The following CYP3A43 variants were observed in gnomAD, a reference collection of about 807,000 sequenced individuals.
The protein encoded by CYP3A43 is cytochrome P450 3A43.
In CYP3A43, 45 loss-of-function variants were observed where a neutral mutation model predicts 58.0. The ratio of observed to expected loss-of-function variants is 0.78; its 90% CI spans 0.61 to 0.99. The LOEUF (loss-of-function observed/expected upper bound fraction) is 0.99, where lower values mean the gene tolerates loss of function less well. Ranked by LOEUF, CYP3A43 falls within the 50% of genes least tolerant of loss-of-function variation. CYP3A43 has a pLI of 0.00. For missense variants in CYP3A43, 593 were observed against 591.9 expected (o/e 1.00, Z -0.02); for synonymous variants, 191 against 201.4 (o/e 0.95, Z 0.44).
intron 11 of CYP3A43, 151 bp downstream of exon 11, chr7:99,861,990 C>G: frequency 1.5e-6 from 1 of 672,316 alleles, no homozygotes; most frequent in Non-Finnish European, 2.4e-6. Context: ...ACTTTACAAA[C>G]CATAGATTAA....
chr7:99,856,701 A>G, intron 8 of CYP3A43, 132 bp from the exon 9 acceptor site: 2 of 843,394 alleles, frequency 2.4e-6, no homozygotes, highest in South Asian at 3.1e-5. Context: ...TTGGTGACTC[A>G]GGCAACACCC....
At chr7:99,865,736 C>A (rs1818419104) in intron 12 of CYP3A43, among the ~76,000 whole-genome samples, 170 bp from the exon 13 acceptor site, 1 of 148,700 alleles carries the variant, frequency 6.7e-6, no homozygotes. Flanking sequence ...ACTATCCAAT[C>A]TTCACAGAGC....
chr7:99,829,676 T>C (rs1022856351), intron 1 of CYP3A43, among the ~76,000 whole-genome samples: 13 of 152,192 alleles, frequency 8.5e-5, no homozygotes, highest in African/African-American at 2.2e-4. Flanking sequence ...ACTCAGAAAC[T>C]AGTCTGCTAA....
chr7:99,854,329 C>T (rs959681269), intron 7 of CYP3A43, among the ~76,000 whole-genome samples: 1 of 151,614 alleles, frequency 6.6e-6, no homozygotes, highest in African/African-American at 2.4e-5. Context: ...TTCTCACCCT[C>T]CTGAGTAGCT....
chr7:99,840,639 T>G (rs754023796), intron 3 of CYP3A43, among the ~76,000 whole-genome samples: 1 of 152,196 alleles, frequency 6.6e-6, no homozygotes, highest in Non-Finnish European at 1.5e-5. Flanking sequence ...TCCCCCCTTT[T>G]TTCCTTCCTG....
Position 99,828,165 on chromosome 7 carries a change from C to G in CYP3A43, c.50C>G (p.Thr17Ser). 1 of 1,612,388 alleles carries G rather than the reference C, an allele frequency of 6.2e-7. No individual in the cohort carries two copies. Among genetic ancestry groups the G allele is most frequent in the Non-Finnish European group, 8.5e-7 (1 of 1,179,094 alleles). Reference protein sequence around the residue: ...FAMETWVLVATSLVLLYIYGT... With the variant: ...FAMETWVLVASSLVLLYIYGT... The stretch of plus-strand genomic sequence containing the variant: ...ATGGAAACATGGGTTCTTGTGGCTA[C>G]CAGCCTGGTACTCCTCTATATGTGA... Residue 17 changes from threonine to serine, a missense_variant, in exon 1 of 13, where the codon ACC becomes AGC. Physicochemically the swap from Thr to Ser is moderately conservative, Grantham distance 58. Transcript: ENST00000354829.
chr7:99,835,678 A>G (rs965676656), intron 1 of CYP3A43, among the ~76,000 whole-genome samples: 3 of 152,214 alleles, frequency 2.0e-5, no homozygotes, highest in Non-Finnish European at 4.4e-5. Flanking sequence ...CTGCACATTC[A>G]TAGTAGTTAT....
Position 99,865,991 on chromosome 7 carries a change from G to A in CYP3A43, c.1502G>A (p.Ser501Asn). Residue 501 changes from serine to asparagine, a missense_variant, in exon 13 of 13, where the codon AGT becomes AAT. Physicochemically the swap from Ser to Asn is conservative, Grantham distance 46. Transcript: ENST00000354829. ...LKVHLRDGITSGP is the reference protein window; with the variant it reads ...LKVHLRDGITNGP ...GTGCACTTAAGAGATGGGATTACAA[G>A]TGGACCCTGACTTTCCCTAAGGACT... is the stretch of plus-strand genomic sequence containing the variant. 1 of 1,600,174 alleles carries A rather than the reference G, an allele frequency of 6.2e-7. No individual in the cohort carries two copies. Among genetic ancestry groups the A allele is most frequent in the Non-Finnish European group, 8.5e-7 (1 of 1,172,912 alleles).
intron 1 of CYP3A43, among the ~76,000 whole-genome samples, chr7:99,835,344 TTC>T (rs1025167059): frequency 5.9e-5 from 9 of 152,236 alleles, no homozygotes; most frequent in African/African-American, 2.2e-4. Flanking sequence ...CGATTTGTCA[TTC>T]TCTGTACAGA....
In CYP3A43 at chr7:99,861,640, C is replaced by T. The variant is rs757740793; in HGVS notation, c.1054C>T (p.Gln352Ter). 1 of 1,614,108 alleles carries T rather than the reference C, an allele frequency of 6.2e-7. No homozygotes were observed. The highest frequency in any genetic ancestry group is 8.5e-7 in the Non-Finnish European group (1 of 1,180,010). Residue 352 changes from glutamine (Q) to a stop codon, truncating the protein, a stop_gained, in exon 11 of 13, where the codon CAG (glutamine) becomes TAG (stop). Transcript: ENST00000354829. LOFTEE classifies it high-confidence loss of function. ...KAPVTYDALV[Q>*]MEYLDMVVNE... is the part of the protein sequence containing the mutation. ...ACCTGTCACCTACGATGCCCTGGTACAGATGGAGTACCTTGACATGGTGGT... is the reference window on the plus strand; with the variant it reads ...ACCTGTCACCTACGATGCCCTGGTATAGATGGAGTACCTTGACATGGTGGT...
intron 11 of CYP3A43, among the ~76,000 whole-genome samples, chr7:99,862,266 CT>C (rs1396793397): frequency 1.3e-5 from 2 of 152,084 alleles, no homozygotes; most frequent in African/African-American, 4.8e-5. Context: ...TTGCTGTGCC[CT>C]TTAGCTCTCT....
In CYP3A43 at chr7:99,861,681, A is replaced by C. The variant is rs776244943; in HGVS notation, c.1095A>C (p.Arg365Ser). 6.2e-7 allele frequency: 1 copy of C among 1,614,186 alleles called. No homozygotes were observed. The highest frequency in any genetic ancestry group is 1.1e-5 in the South Asian group (1 of 91,082). ...ACATGGTGGTGAATGAAACGCTCAG[A>C]TTATTCCCAGTTGTTAGTAGAGTTA... ...YLDMVVNETLRLFPVVSRVTR... is the reference protein window; with the variant it reads ...YLDMVVNETLSLFPVVSRVTR... The change falls in exon 11 of 13, where the codon AGA becomes AGC. Residue 365 changes from arginine (R) to serine (S), a missense_variant. By Grantham distance (110) the Arg-to-Ser change is moderately radical (BLOSUM62 -1). Transcript: ENST00000354829.
intron 1 of CYP3A43, among the ~76,000 whole-genome samples, chr7:99,836,152 G>T (rs1300258237): frequency 6.6e-6 from 1 of 152,164 alleles, no homozygotes; most frequent in Non-Finnish European, 1.5e-5. Flanking sequence ...AGGAAGCAGA[G>T]TCAGGAGCAC....
chr7:99,863,742 T>C lies in CYP3A43; in HGVS notation c.1416+43T>C, dbSNP rs763771142. 9.1e-6 allele frequency: 13 copies of C among 1,433,036 alleles called. No individual in the cohort carries two copies. The African/African-American group carries it at 1.8e-4, about 20-fold the overall frequency. 88.8% of individuals were successfully genotyped at this position (1,433,036 alleles called of 1,614,324 possible). On this transcript the variant is annotated intron_variant, in intron 12 of 12. Coordinates refer to ENST00000354829, the MANE Select transcript of CYP3A43 (RefSeq NM_057095.3). ...TAAATAATGTTTATTGGGAGTTTTT[T>C]AAACTGAGAAGTCTACATTTTTTAA...
chr7:99,853,418 A>C (rs663476), intron 7 of CYP3A43, among the ~76,000 whole-genome samples: 27,787 of 152,058 alleles, frequency 0.18, 4,920 homozygotes, highest in African/African-American at 0.47. Context: ...CCTTATGCTA[A>C]TTTTTATTTT....
In CYP3A43 at chr7:99,839,120, G is replaced by A; in HGVS notation, c.166G>A (p.Gly56Ser). The stretch of plus-strand genomic sequence containing the variant: ...AATTGTATTTTGTTTCTTCTGCCAG[G>A]GTCTTTGGAATTTTGACAGAGAATG... ...FLGTILFYLR[G>S]LWNFDRECNE... The change falls in exon 3 of 13, where the codon GGT becomes AGT. Residue 56 changes from glycine to serine, a missense_variant and splice_region_variant. Coordinates refer to ENST00000354829, the MANE Select transcript of CYP3A43 (RefSeq NM_057095.3). The A allele has an allele frequency of 6.2e-7, 1 of 1,614,138 alleles. No homozygotes were observed. The highest frequency in any genetic ancestry group is 1.1e-5 in the South Asian group (1 of 91,076).
chr7:99,854,256 C>G (rs1426976262), intron 7 of CYP3A43, among the ~76,000 whole-genome samples: 3 of 146,266 alleles, frequency 2.1e-5, no homozygotes, highest in Non-Finnish European at 4.5e-5. Context: ...GACAGAGTCT[C>G]AAAAAAGTTG....
At chr7:99,847,871 G>T in intron 5 of CYP3A43, 1 of 508,878 alleles carries the variant, frequency 2.0e-6, no homozygotes, top group Non-Finnish European at 3.5e-6. Flanking sequence ...AATTAGCTGG[G>T]CATGGTGGCG....
rs45550031 is a variant in CYP3A43 at position 99,849,716 on chromosome 7, T to TTC, written c.670+41_670+42dup. On this transcript the variant is annotated intron_variant, in intron 7 of 12. Coordinates refer to ENST00000354829, the MANE Select transcript of CYP3A43 (RefSeq NM_057095.3). ...ATATGTATGTGGACTTTTATGTTAT[T>TTC]TCTCTCTCTCTCTCTCTCTCATCTA... The TTC allele has an allele frequency of 3.6e-3, 5,455 of 1,496,282 alleles. 89 individuals are homozygous for TTC. In the African/African-American group the frequency reaches 0.06, roughly 16 times the overall value. 92.7% of individuals were successfully genotyped at this position (1,496,282 alleles called of 1,614,324 possible).
Sources: allele counts gnomAD v4.1 joint callset (sites outside exome capture counted in the v4.1 genomes callset), GRCh38; gene constraint gnomAD v4.1.1; transcripts MANE v1.5; gene names NCBI Gene and HGNC (gene_info 2026-07-23, HGNC 2026-07-21).